The following TRIM55 variants were observed in gnomAD, a reference collection of about 807,000 sequenced individuals.
The protein encoded by TRIM55 is tripartite motif-containing protein 55.
TRIM55 carries 50 observed loss-of-function variants against 60.9 expected under a neutral mutation model. The ratio of observed to expected loss-of-function variants is 0.82; its 90% CI spans 0.65 to 1.04. The LOEUF (loss-of-function observed/expected upper bound fraction) is 1.04. Ranked by LOEUF, TRIM55 falls within the 50% of genes least tolerant of loss-of-function variation. The pLI is 0.00. For missense variants in TRIM55, 681 were observed against 666.9 expected (o/e 1.02, Z -0.23); for synonymous variants, 237 against 238.1 (o/e 1.00, Z 0.04).
At chr8:66,160,969 G>T (rs1272525146) in intron 9 of TRIM55, among the ~76,000 whole-genome samples, 1 of 151,846 alleles carries the variant, frequency 6.6e-6, no homozygotes, top group African/African-American at 2.4e-5. Context: ...CACTCTATGG[G>T]TTGTCTATTA....
intron 4 of TRIM55, among the ~76,000 whole-genome samples, chr8:66,144,028 A>G (rs1809968609): frequency 6.6e-6 from 1 of 152,196 alleles, no homozygotes; most frequent in African/African-American, 2.4e-5. Flanking sequence ...TCTTTCCATG[A>G]AATGTTCTCT....
chr8:66,154,088 T>C lies in TRIM55; in HGVS notation c.1278T>C (p.Ser426=). Residue 426 remains serine, a synonymous_variant, in exon 9 of 10, where the codon TCT becomes TCC. Coordinates refer to ENST00000315962, the MANE Select transcript of TRIM55 (RefSeq NM_184085.2). ...CTGGCTCTGAGCAGACCACAGAGTC[T>C]GAAACTCCAGTCCCTGCAGCAGCAG... ...VPTGSEQTTE[S]ETPVPAAAET... is the part of the protein sequence containing the mutation. 6.2e-7 allele frequency: 1 copy of C among 1,614,086 alleles called. No individual in the cohort carries two copies. The highest frequency in any genetic ancestry group is 1.1e-5 in the South Asian group (1 of 91,082).
intron 4 of TRIM55, among the ~76,000 whole-genome samples, chr8:66,146,765 T>C (rs1810117192): frequency 6.6e-6 from 1 of 152,156 alleles, no homozygotes; most frequent in Non-Finnish European, 1.5e-5. Flanking sequence ...TAGGTTTCAG[T>C]TTCTAGGCCT....
In TRIM55 at chr8:66,128,376, T is replaced by A; in HGVS notation, c.241T>A (p.Cys81Ser). The change falls in exon 2 of 10, where the codon TGT becomes AGT. Residue 81 changes from cysteine (C) to serine (S), a missense_variant. Physicochemically the swap from Cys to Ser is moderately radical, Grantham distance 112 (BLOSUM62 -1). Transcript: ENST00000315962. Reference protein sequence around the residue: ...ASGGRFRCPSCRHEVVLDRHG... With the variant: ...ASGGRFRCPSSRHEVVLDRHG... ...AGGGGGCCGATTCCGCTGCCCATCCTGTAGACATGAAGTGGTTTTGGATAG... is the reference window on the plus strand; with the variant it reads ...AGGGGGCCGATTCCGCTGCCCATCCAGTAGACATGAAGTGGTTTTGGATAG... 2 of 1,613,848 alleles carry A rather than the reference T, an allele frequency of 1.2e-6. No individual in the cohort carries two copies.
intron 4 of TRIM55, among the ~76,000 whole-genome samples, chr8:66,138,870 A>G (rs1809638924): frequency 6.6e-6 from 1 of 152,210 alleles, no homozygotes. Flanking sequence ...AATAAATACT[A>G]TTCTTATTAT....
chr8:66,174,672 T>G lies in TRIM55; in HGVS notation c.*79T>G. On this transcript the variant is annotated 3_prime_UTR_variant, in exon 10 of 10. Coordinates refer to ENST00000315962, the MANE Select transcript of TRIM55 (RefSeq NM_184085.2). ...GCAGGAAGCCCAAGTGAAATTAATA[T>G]TATGCAGATGATGAAAGGGACCTCT... The G allele has an allele frequency of 7.0e-7, 1 of 1,420,908 alleles. No homozygotes were observed. Among genetic ancestry groups the G allele is most frequent in the Non-Finnish European group, 9.2e-7 (1 of 1,084,226 alleles). 88.0% of individuals were successfully genotyped at this position (1,420,908 alleles called of 1,614,324 possible). A position where few individuals can be genotyped will look rare whatever the true frequency, so the allele number is the denominator to read the frequency against.
At chr8:66,113,527 A>C in the TRIM55 span, 5 of 456,230 alleles carry the variant, frequency 1.1e-5, no homozygotes, top group South Asian at 7.7e-5. Flanking sequence ...CTTCAGTGAC[A>C]CATTGCATTC....
intron 9 of TRIM55, among the ~76,000 whole-genome samples, chr8:66,174,170 T>TA (rs59239417): frequency 0.029 from 4,082 of 141,332 alleles, 68 homozygotes; most frequent in Non-Finnish European, 0.045. Context: ...CAAGTGGACT[T>TA]AAAAAAAAAA....
intron 4 of TRIM55, among the ~76,000 whole-genome samples, chr8:66,144,928 G>C (rs1193135707): frequency 6.6e-6 from 1 of 152,216 alleles, no homozygotes; most frequent in African/African-American, 2.4e-5. Context: ...CAGGCTGCTA[G>C]AAAGTCACTG....
chr8:66,161,974 G>A (rs568467929), intron 9 of TRIM55, among the ~76,000 whole-genome samples: 3 of 152,034 alleles, frequency 2.0e-5, no homozygotes, highest in Admixed American at 6.6e-5. Context: ...AACAGCAATA[G>A]TTTGACTTCC....
At chr8:66,114,604 A>AG in the TRIM55 span, 1 of 456,362 alleles carries the variant, frequency 2.2e-6, no homozygotes, top group South Asian at 1.5e-5. Flanking sequence ...GGGGAGACCC[A>AG]CAGGGAAAAC....
chr8:66,157,938 G>T (rs1167067172), intron 9 of TRIM55, among the ~76,000 whole-genome samples: 1 of 152,142 alleles, frequency 6.6e-6, no homozygotes, highest in Admixed American at 6.5e-5. Context: ...TGTTAGATCA[G>T]AAGAGTGCTG....
intron 4 of TRIM55, among the ~76,000 whole-genome samples, chr8:66,139,567 A>G (rs1332192624): frequency 6.6e-6 from 1 of 152,190 alleles, no homozygotes; most frequent in African/African-American, 2.4e-5. Context: ...ATTAGTGCAG[A>G]TGTCAGGAAG....
At position 66,163,947 on chromosome 8, in the gene TRIM55, G is replaced by T. The variant is rs115620419; in HGVS notation, c.1524+9613G>T. 7.6e-3 allele frequency among the ~76,000 whole-genome samples: 1,157 copies of T among 151,770 alleles called. 16 individuals are homozygous for T. Among genetic ancestry groups the T allele is most frequent in the African/African-American group, 0.026 (1,093 of 41,436 alleles). On this transcript the variant is annotated intron_variant, in intron 9 of 9. Transcript: ENST00000315962. Reference sequence around the variant, plus strand: ...TTTTTGCCTTATGTGTTTGGAAACTGTTTAGGTACATTCATATTTAGCATT... The same window carrying T: ...TTTTTGCCTTATGTGTTTGGAAACTTTTTAGGTACATTCATATTTAGCATT...
At chr8:66,130,209 C>T (rs150402658) in intron 2 of TRIM55, among the ~76,000 whole-genome samples, 58 of 152,274 alleles carry the variant, frequency 3.8e-4, no homozygotes, top group African/African-American at 1.0e-3. Flanking sequence ...GGTGCAGCTG[C>T]CAAAAATAGT....
Position 66,174,721 on chromosome 8 carries a change from C to A in TRIM55, c.*128C>A. On this transcript the variant is annotated 3_prime_UTR_variant, in exon 10 of 10. Coordinates refer to ENST00000315962, the MANE Select transcript of TRIM55 (RefSeq NM_184085.2). Reference sequence around the variant, plus strand: ...CTGAACAGGATTTCTGCAAAAATAGCCCCAAACTGCAATTCCATATGACTT... The same window carrying A: ...CTGAACAGGATTTCTGCAAAAATAGACCCAAACTGCAATTCCATATGACTT... 2.0e-6 allele frequency: 2 copies of A among 1,005,790 alleles called. No individual in the cohort carries two copies. The highest frequency in any genetic ancestry group is 2.7e-6 in the Non-Finnish European group (2 of 738,064). The allele number at this position is 1,005,790 out of a possible 1,614,324, so 62.3% of individuals were successfully genotyped here.
intron 9 of TRIM55, among the ~76,000 whole-genome samples, chr8:66,167,894 T>C (rs1330062367): frequency 6.6e-6 from 1 of 152,140 alleles, no homozygotes; most frequent in Non-Finnish European, 1.5e-5. Flanking sequence ...ACTGCAGGCA[T>C]GTGCCACCAC....
intron 9 of TRIM55, among the ~76,000 whole-genome samples, chr8:66,158,697 G>T (rs1810884808): frequency 6.6e-6 from 1 of 152,240 alleles, no homozygotes; most frequent in African/African-American, 2.4e-5. Flanking sequence ...AAGTCATTAT[G>T]AGTGACAATA....
intron 7 of TRIM55, 108 bp downstream of exon 7, chr8:66,150,574 C>T (rs1178960820): frequency 5.4e-6 from 7 of 1,289,670 alleles, no homozygotes; most frequent in Non-Finnish European, 7.6e-6. Flanking sequence ...GAATCAATGT[C>T]GACAACTTTA....
Sources: allele counts gnomAD v4.1 joint callset (sites outside exome capture counted in the v4.1 genomes callset), GRCh38; gene constraint gnomAD v4.1.1; transcripts MANE v1.5; gene names NCBI Gene and HGNC (gene_info 2026-07-23, HGNC 2026-07-21).